ZNF611: variants seen among roughly 807,000 people sequenced by gnomAD.
ZNF611 encodes zinc finger protein 611.
ZNF611 carries 6 observed loss-of-function variants against 8.9 expected under a neutral mutation model. That is an observed-to-expected ratio of 0.68 (90% confidence interval 0.37 to 1.34). ZNF611 has a LOEUF of 1.34. Ranked by LOEUF, ZNF611 falls within the 40% of genes most tolerant of loss-of-function variation. ZNF611 has a pLI of 0.02. For missense variants in ZNF611, 874 were observed against 841.3 expected (o/e 1.04, Z -0.48); for synonymous variants, 262 against 279.7 (o/e 0.94, Z 0.63).
chr19:52,727,776 T>C (rs181134626), intron 3 of ZNF611, among the ~76,000 whole-genome samples: 71 of 152,300 alleles, frequency 4.7e-4, no homozygotes, highest in African/African-American at 1.6e-3. Flanking sequence ...CGCTAGACTC[T>C]GCTTGCATGA....
intron 1 of ZNF611, among the ~76,000 whole-genome samples, chr19:52,733,823 G>C (rs865812748): frequency 6.6e-6 from 1 of 150,674 alleles, no homozygotes; most frequent in Non-Finnish European, 1.5e-5. Context: ...ACCTCTTATT[G>C]CTCCTTCTCC....
intron 1 of ZNF611, among the ~76,000 whole-genome samples, chr19:52,734,659 G>C (rs925954262): frequency 2.0e-5 from 3 of 152,242 alleles, no homozygotes; most frequent in South Asian, 4.1e-4. Flanking sequence ...GGCTGAGGAG[G>C]GGGAGGCTGG....
At chr19:52,733,356 A>G (rs1029755928) in intron 1 of ZNF611, among the ~76,000 whole-genome samples, 2 of 152,084 alleles carry the variant, frequency 1.3e-5, no homozygotes, top group Admixed American at 1.3e-4. Context: ...GCTGCAGTGT[A>G]GTCACATGAT....
rs761780084 is a variant in ZNF611, at chr19:52,706,457, G to C, written c.598C>G (p.Pro200Ala). 4 of 1,614,130 alleles carry C rather than the reference G, an allele frequency of 2.5e-6. No homozygotes were observed. The highest frequency in any genetic ancestry group is 3.4e-6 in the Non-Finnish European group (4 of 1,180,020). ...VSTFQRISCR[P>A]QTQISNNYGN... ...TAGTTATTAGAAATCTGGGTTTGGG[G>C]CCTACAGGAAATTCTTTGGAATGTT... is the stretch of plus-strand genomic sequence containing the variant. The change falls in exon 6 of 6, where the codon CCC (proline) becomes GCC (alanine). Residue 200 changes from proline (P) to alanine (A), a missense_variant. Coordinates refer to ENST00000652185, the MANE Select transcript of ZNF611 (RefSeq NM_001161499.2).
Position 52,706,137 on chromosome 19 carries a change from A to G in ZNF611, c.918T>C (p.Arg306=), listed in dbSNP as rs2062242192. Residue 306 remains arginine, a synonymous_variant, in exon 6 of 6, where the codon CGT becomes CGC. Coordinates refer to ENST00000652185, the MANE Select transcript of ZNF611 (RefSeq NM_001161499.2). The stretch of plus-strand genomic sequence containing the variant: ...AACGTTTTACTCCAGTATGAAGTCT[A>G]CGATGGCAGGTAAGGGATGACTCCT... The part of the protein sequence containing the change: ...FSQESSLTCH[R]RLHTGVKRYN... 1 of 1,613,996 alleles carries G rather than the reference A, an allele frequency of 6.2e-7. No homozygotes were observed. Among genetic ancestry groups the G allele is most frequent in the African/African-American group, 1.3e-5 (1 of 74,926 alleles).
intron 4 of ZNF611, among the ~76,000 whole-genome samples, chr19:52,714,972 T>A (rs1014072996): frequency 6.6e-6 from 1 of 152,016 alleles, no homozygotes; most frequent in East Asian, 1.9e-4. Flanking sequence ...CACTTTAGCC[T>A]GGCAACAGAG....
Position 52,711,528 on chromosome 19 carries a change from C to T in ZNF611, c.190+2487G>A, listed in dbSNP as rs575780626. Among the ~76,000 whole-genome samples the T allele has an allele frequency of 2.0e-4, 30 of 152,180 alleles. No homozygotes were observed. The South Asian group carries it at 2.1e-3, about 11-fold the overall frequency. On this transcript the variant is annotated intron_variant, in intron 5 of 5. Transcript: ENST00000652185. ...ACATGTTCTTAGGCACAATAGTCAGCGCAGGCAGGACAGGAAATGACCAGA... is the reference window on the plus strand; with the variant it reads ...ACATGTTCTTAGGCACAATAGTCAGTGCAGGCAGGACAGGAAATGACCAGA...
chr19:52,719,002 C>A (rs1333590572), intron 3 of ZNF611, among the ~76,000 whole-genome samples: 1 of 151,948 alleles, frequency 6.6e-6, no homozygotes, highest in Non-Finnish European at 1.5e-5. Flanking sequence ...GAACCTCTGT[C>A]TCTGCTAAAA....
At chr19:52,730,670 T>C (rs1436868348) in intron 1 of ZNF611, among the ~76,000 whole-genome samples, 1 of 151,342 alleles carries the variant, frequency 6.6e-6, no homozygotes, top group Non-Finnish European at 1.5e-5. Flanking sequence ...CCGCAAACTT[T>C]GCCTCCTGGG....
intron 3 of ZNF611, among the ~76,000 whole-genome samples, chr19:52,717,193 G>A (rs751746755): frequency 5.9e-5 from 9 of 152,126 alleles, no homozygotes; most frequent in Non-Finnish European, 1.0e-4. Context: ...GATGTCTCAT[G>A]TCTCCATAAA....
Position 52,705,100 on chromosome 19 carries a change from C to A in ZNF611, c.1955G>T (p.Cys652Phe), listed in dbSNP as rs147866265. 2.9e-4 allele frequency: 474 copies of A among 1,614,020 alleles called. No homozygotes were observed. The highest frequency in any genetic ancestry group is 3.9e-4 in the Non-Finnish European group (465 of 1,180,046). The change falls in exon 6 of 6, where the codon TGT becomes TTT. Residue 652 changes from cysteine (C) to phenylalanine (F), a missense_variant. Cys to Phe is a radical substitution (Grantham distance 205). Coordinates refer to ENST00000652185, the MANE Select transcript of ZNF611 (RefSeq NM_001161499.2). Reference sequence around the variant, plus strand: ...CACGAAAGCCTTGTCACAAATTGTACATTTGTAAGATTTCTCTCCAGTATG... The same window carrying A: ...CACGAAAGCCTTGTCACAAATTGTAAATTTGTAAGATTTCTCTCCAGTATG... ...RLHTGEKSYK[C>F]TICDKAFVRN...
intron 3 of ZNF611, 118 bp from the exon 4 acceptor site, chr19:52,716,031 C>T: frequency 8.9e-7 from 1 of 1,122,944 alleles, no homozygotes; most frequent in Non-Finnish European, 1.3e-6. Flanking sequence ...CTGCCCACTG[C>T]ACCAGAGATC....
rs138447291 is a variant in ZNF611 at position 52,706,159 on chromosome 19, T to G, written c.896A>C (p.Glu299Ala). The G allele has an allele frequency of 1.3e-5, 21 of 1,613,966 alleles. No homozygotes were observed. In the African/African-American group the frequency reaches 2.5e-4, roughly 19 times the overall value. Residue 299 changes from glutamate (E) to alanine (A), a missense_variant, in exon 6 of 6, where the codon GAG becomes GCG. Coordinates refer to ENST00000652185, the MANE Select transcript of ZNF611 (RefSeq NM_001161499.2). The stretch of plus-strand genomic sequence containing the variant: ...TCTACGATGGCAGGTAAGGGATGAC[T>G]CCTGACTGAAGGTCTTGCCACACTC... ...CKECGKTFSQESSLTCHRRLH... is the reference protein window; with the variant it reads ...CKECGKTFSQASSLTCHRRLH...
At chr19:52,712,464 A>T (rs112166944) in intron 5 of ZNF611, among the ~76,000 whole-genome samples, 1 of 142,522 alleles carries the variant, frequency 7.0e-6, no homozygotes. Context: ...ACTAAAAAAA[A>T]AAAAAAAAAA....
At chr19:52,720,444 T>C (rs9676548) in intron 3 of ZNF611, among the ~76,000 whole-genome samples, 66,478 of 94,794 alleles carry the variant, frequency 0.7, 22,684 homozygotes, top group African/African-American at 0.87. Context: ...GAAGGGGCGG[T>C]TGCTGGACAG....
chr19:52,728,626 A>G (rs1752054745), intron 3 of ZNF611, 104 bp downstream of exon 3: 1 of 152,246 alleles, frequency 6.6e-6, no homozygotes, highest in Non-Finnish European at 1.5e-5. Flanking sequence ...ATCTCCTAAG[A>G]AAAGAAATGA....
chr19:52,705,479 C>G lies in ZNF611; in HGVS notation c.1576G>C (p.Glu526Gln). ...EKVFSRKSSL[E>Q]THKIGHTGEK... ...CCAGTATGACCTATCTTATGTGTCT[C>G]AAGGCTTGATTTACGACTGAAAACC... is the stretch of plus-strand genomic sequence containing the variant. Residue 526 changes from glutamate (E) to glutamine (Q), a missense_variant, in exon 6 of 6, where the codon GAG becomes CAG. Glu to Gln is a conservative substitution (Grantham distance 29, BLOSUM62 2). Transcript: ENST00000652185. 1 of 1,614,118 alleles carries G rather than the reference C, an allele frequency of 6.2e-7. No homozygotes were observed. Among genetic ancestry groups the G allele is most frequent in the African/African-American group, 1.3e-5 (1 of 75,008 alleles).
At chr19:52,719,355 C>T (rs1022858713) in intron 3 of ZNF611, among the ~76,000 whole-genome samples, 4 of 152,040 alleles carry the variant, frequency 2.6e-5, no homozygotes, top group Non-Finnish European at 4.4e-5. Flanking sequence ...CCCCCACTCC[C>T]CACCCCAGCC....
intron 3 of ZNF611, chr19:52,723,718 T>A (rs138568965): frequency 1.3e-5 from 2 of 152,348 alleles, no homozygotes; most frequent in African/African-American, 4.8e-5. Context: ...CCGAGGTCTC[T>A]GAGTTCCCTC....
Sources: allele counts gnomAD v4.1 joint callset (sites outside exome capture counted in the v4.1 genomes callset), GRCh38; gene constraint gnomAD v4.1.1; transcripts MANE v1.5; gene names NCBI Gene and HGNC (gene_info 2026-07-23, HGNC 2026-07-21).